Variants in HELZ2 observed in about 807,000 individuals in gnomAD.
HELZ2 encodes helicase with zinc finger 2.
In HELZ2, 143 loss-of-function variants were observed where a neutral mutation model predicts 208.8. The ratio of observed to expected loss-of-function variants is 0.68; its 90% CI spans 0.60 to 0.79. HELZ2 has a LOEUF of 0.79. Among genes scored for constraint, HELZ2 ranks in the 30% least tolerant of loss-of-function variants. The probability of loss-of-function intolerance (pLI) is 0.00; values close to 1 mark genes in which losing one functional copy is unlikely to be tolerated. For synonymous variants in HELZ2, 1,705 were observed against 1,693.7 expected (o/e 1.01, Z -0.16); for missense variants, 3,690 against 3,794.5 (o/e 0.97, Z 0.72).
chr20:63,562,411 C>G (rs778319432), intron 8 of HELZ2, 29 bp from the exon 10 acceptor site: 2 of 1,558,266 alleles, frequency 1.3e-6, no homozygotes, highest in Non-Finnish European at 1.7e-6. Context: ...ACTGGAAAAC[C>G]AACAGGACTC....
exon 2 of HELZ2, chr20:63,570,804 ACTCCTGCAG>A: frequency 6.2e-7 from 1 of 1,610,550 alleles, no homozygotes; most frequent in Non-Finnish European, 8.5e-7. Flanking sequence ...CGCCGGACCC[ACTCCTGCAG>A]CTCCTGTGCT....
intron 3 of HELZ2, 64 bp from the exon 5 acceptor site, chr20:63,569,729 C>T: frequency 7.0e-7 from 1 of 1,436,080 alleles, no homozygotes; most frequent in Non-Finnish European, 9.1e-7. Context: ...GAGAGGCAGC[C>T]TGGCCAGCGT....
exon 13 of HELZ2, chr20:63,561,434 G>T (rs774034635): frequency 1.9e-6 from 3 of 1,611,818 alleles, no homozygotes; most frequent in Non-Finnish European, 1.7e-6. Context: ...AGGGTTGGGG[G>T]CCTGCCGGAT....
exon 5 of HELZ2, chr20:63,568,798 C>A: frequency 6.2e-7 from 1 of 1,611,960 alleles, no homozygotes; most frequent in Non-Finnish European, 8.5e-7. Context: ...GCACCTCGAA[C>A]ACCGTATTGT....
chr20:63,563,778 C>A, exon 8 of HELZ2: 1 of 1,604,596 alleles, frequency 6.2e-7, no homozygotes, highest in Non-Finnish European at 8.5e-7. Context: ...CGCTGCAACA[C>A]CACGTCCAGG....
exon 8 of HELZ2, chr20:63,563,326 C>T: frequency 6.5e-7 from 1 of 1,540,958 alleles, no homozygotes; most frequent in Admixed American, 1.9e-5. Flanking sequence ...CCACCAGCTC[C>T]AGCAGCTGCT....
exon 8 of HELZ2, chr20:63,563,850 C>A: frequency 6.3e-7 from 1 of 1,596,246 alleles, no homozygotes; most frequent in Non-Finnish European, 8.5e-7. Flanking sequence ...TAGTGGCCGC[C>A]CTGCTGCTGG....
chr20:63,559,965 C>T, exon 18 of HELZ2: 2 of 1,612,124 alleles, frequency 1.2e-6, no homozygotes, highest in South Asian at 2.2e-5. Context: ...GCGTGACAGC[C>T]ACATTCACTT....
chr20:63,565,188 C>G, exon 8 of HELZ2: 1 of 1,606,120 alleles, frequency 6.2e-7, no homozygotes. Context: ...ATGCGCGGGT[C>G]CCACGTGTCC....
At chr20:63,567,953 G>T (rs113369529) in intron 5 of HELZ2, 14 of 549,836 alleles carry the variant, frequency 2.5e-5, no homozygotes, top group African/African-American at 1.9e-4. Context: ...TCCCCACTGG[G>T]CAGGGATGGG....
chr20:63,571,206 G>T, intron 1 of HELZ2: 1 of 307,770 alleles, frequency 3.2e-6, no homozygotes, highest in Non-Finnish European at 5.9e-6. Context: ...GTGGGCTCCT[G>T]CCCCGCTCCA....
chr20:63,565,642 G>A, exon 8 of HELZ2: 2 of 1,610,710 alleles, frequency 1.2e-6, no homozygotes, highest in Non-Finnish European at 1.7e-6. Flanking sequence ...ACGGCCAGAA[G>A]TCAGCCTCTG....
At chr20:63,560,181 G>A in exon 17 of HELZ2, 1 of 1,531,940 alleles carries the variant, frequency 6.5e-7, no homozygotes, top group Admixed American at 1.9e-5. Flanking sequence ...CCTGGCTCTT[G>A]GTGATGGAGG....
exon 11 of HELZ2, chr20:63,561,897 C>T (rs780968139): frequency 4.9e-5 from 77 of 1,576,684 alleles, no homozygotes; most frequent in Non-Finnish European, 4.0e-5. Context: ...CTTCTCCCCA[C>T]GGGGGGGGCC....
chr20:63,564,646 C>T (rs1242272894), exon 8 of HELZ2: 4 of 1,567,128 alleles, frequency 2.6e-6, no homozygotes, highest in Non-Finnish European at 1.7e-6. Flanking sequence ...ACGCAGCGCC[C>T]TGCCTTCGCG....
At chr20:63,564,887 T>C (rs1312070738) in exon 8 of HELZ2, 2 of 1,612,216 alleles carry the variant, frequency 1.2e-6, no homozygotes, top group African/African-American at 2.7e-5. Context: ...GGTGGCCTGG[T>C]CCGACGGGGG....
At chr20:63,559,343 G>C in exon 19 of HELZ2, 1 of 1,602,188 alleles carries the variant, frequency 6.2e-7, no homozygotes, top group South Asian at 1.1e-5. Context: ...ACGCCAGAGG[G>C]GGCAGCAGCG....
chr20:63,569,916 CA>C (rs1191508337), intron 3 of HELZ2, among the ~76,000 whole-genome samples: 1 of 152,174 alleles, frequency 6.6e-6, no homozygotes, highest in East Asian at 1.9e-4. Flanking sequence ...CCTCACCACC[CA>C]CTCTCCAGGT....
exon 19 of HELZ2, chr20:63,559,226 T>C (rs747673721): frequency 6.6e-7 from 1 of 1,516,566 alleles, no homozygotes; most frequent in South Asian, 1.2e-5. Context: ...TCCTGGCACC[T>C]TGCAGGTGGA....
Sources: allele counts gnomAD v4.1 joint callset (sites outside exome capture counted in the v4.1 genomes callset), GRCh38; gene constraint gnomAD v4.1.1; transcripts MANE v1.5; gene names NCBI Gene and HGNC (gene_info 2026-07-23, HGNC 2026-07-21).